RPS6KB1: variants seen among roughly 807,000 people sequenced by gnomAD.
RPS6KB1 encodes the protein ribosomal protein S6 kinase B1, also known as ribosomal protein S6 kinase beta-1.
A neutral mutation model predicts 70.2 loss-of-function variants in RPS6KB1; 12 were observed. The ratio of observed to expected loss-of-function variants is 0.17; its 90% CI spans 0.11 to 0.28. RPS6KB1 has a LOEUF of 0.28. Ranked by LOEUF, RPS6KB1 falls within the 10% of genes least tolerant of loss-of-function variation. The pLI is 1.00. For synonymous variants in RPS6KB1, 175 were observed against 211.2 expected, an observed-to-expected ratio of 0.83 and a Z score of 1.49; for missense variants, 270 against 646.6, an observed-to-expected ratio of 0.42 and a Z score of 6.32.
chr17:59,925,032 C>T (rs1325381361), intron 4 of RPS6KB1, among the ~76,000 whole-genome samples: 2 of 151,964 alleles, frequency 1.3e-5, no homozygotes, highest in East Asian at 3.9e-4. Flanking sequence ...GGCGTTTCAC[C>T]GTGTTAGCCA....
chr17:59,941,708 A>ACTG (rs1178238434), intron 13 of RPS6KB1, among the ~76,000 whole-genome samples: 1 of 147,838 alleles, frequency 6.8e-6, no homozygotes, highest in Non-Finnish European at 1.5e-5. Flanking sequence ...ATCTCAGCTC[A>ACTG]CTGCAACTTC....
chr17:59,907,415 C>T (rs2042337891), intron 1 of RPS6KB1: 1 of 152,092 alleles, frequency 6.6e-6, no homozygotes, highest in Admixed American at 6.6e-5. Flanking sequence ...GTTAGTATTG[C>T]CATCTTAACA....
In RPS6KB1 at chr17:59,936,289, C is replaced by A. The variant is rs557954014; in HGVS notation, c.1041+12C>A. On this transcript the variant is annotated intron_variant, in intron 11 of 14. Coordinates refer to ENST00000225577, the MANE Select transcript of RPS6KB1 (RefSeq NM_003161.4). Reference sequence around the variant, plus strand: ...CTGGAGAAGTTCAAGTAGGGATTGGCATCTTTGGTGTTTTGTGGGGAAGAT... The same window carrying A: ...CTGGAGAAGTTCAAGTAGGGATTGGAATCTTTGGTGTTTTGTGGGGAAGAT... 5.7e-6 allele frequency: 9 copies of A among 1,590,526 alleles called. No homozygotes were observed. Among genetic ancestry groups the A allele is most frequent in the Non-Finnish European group, 6.8e-6 (8 of 1,172,528 alleles).
intron 1 of RPS6KB1, among the ~76,000 whole-genome samples, chr17:59,905,832 A>G (rs1406384316): frequency 7.0e-6 from 1 of 143,734 alleles, no homozygotes; most frequent in Non-Finnish European, 1.5e-5. Flanking sequence ...TTTTATTATT[A>G]TTTTTTTGAG....
At position 59,945,049 on chromosome 17, in the gene RPS6KB1, G is replaced by A. The variant is rs142781438; in HGVS notation, c.1228-357G>A. On this transcript the variant is annotated intron_variant, in intron 13 of 14. Coordinates refer to ENST00000225577, the MANE Select transcript of RPS6KB1 (RefSeq NM_003161.4). Reference sequence around the variant, plus strand: ...ACTCCTGACCTCAGGTGGTCTGCCCGCCTTGGCCTCCCAAAGTGCTGGGAT... The same window carrying A: ...ACTCCTGACCTCAGGTGGTCTGCCCACCTTGGCCTCCCAAAGTGCTGGGAT... The A allele has an allele frequency of 1.4e-4, 23 of 163,792 alleles. No individual in the cohort carries two copies. In the East Asian group the frequency reaches 2.1e-3, roughly 15 times the overall value. The allele number at this position is 163,792 out of a possible 1,614,324, so 10.1% of individuals were successfully genotyped here.
Position 59,941,033 on chromosome 17 carries a change from C to T in RPS6KB1, c.1227+90C>T, listed in dbSNP as rs879016267. 1.2e-5 allele frequency: 9 copies of T among 723,676 alleles called. No homozygotes were observed. The South Asian group carries it at 1.4e-4, about 11-fold the overall frequency. 44.8% of individuals were successfully genotyped at this position (723,676 alleles called of 1,614,324 possible). On this transcript the variant is annotated intron_variant, in intron 13 of 14. Coordinates refer to ENST00000225577, the MANE Select transcript of RPS6KB1 (RefSeq NM_003161.4). ...AATTCAGTTTGCTTGCTTTGCAGTT[C>T]ATGTAGGTAACCTGGCCCACTTTTT...
In RPS6KB1 at chr17:59,898,339, AG is replaced by A. The variant is rs1232025847; in HGVS notation, c.141+5015del. 1.2e-4 allele frequency among the ~76,000 whole-genome samples: 18 copies of A among 152,314 alleles called. No homozygotes were observed. In the South Asian group the frequency reaches 1.9e-3, roughly 16 times the overall value. On this transcript the variant is annotated intron_variant, in intron 1 of 14. Coordinates refer to ENST00000225577, the MANE Select transcript of RPS6KB1 (RefSeq NM_003161.4). Reference sequence around the variant, plus strand: ...AAGGTTTAAAATTTTTGAAAACCAAAGTGCTATATAGATAGTATATACTCAA... The same window carrying A: ...AAGGTTTAAAATTTTTGAAAACCAAATGCTATATAGATAGTATATACTCAA...
In RPS6KB1 at chr17:59,914,619, CT is replaced by C. The variant is rs755180004; in HGVS notation, c.313-8del. 2.1e-5 allele frequency: 33 copies of C among 1,604,618 alleles called. No individual in the cohort carries two copies. The highest frequency in any genetic ancestry group is 4.4e-5 in the South Asian group (4 of 90,492). On this transcript the variant is annotated splice_polypyrimidine_tract_variant and intron_variant, in intron 3 of 14. Coordinates refer to ENST00000225577, the MANE Select transcript of RPS6KB1 (RefSeq NM_003161.4). The stretch of plus-strand genomic sequence containing the variant: ...ATAGTTTGCCTTTGAATAACACACA[CT>C]TTTTTTTAATCCAGGTTTTTCAAGT...
At position 59,946,337 on chromosome 17, in the gene RPS6KB1, A is replaced by G. The variant is rs1288447210; in HGVS notation, c.1341-214A>G. On this transcript the variant is annotated intron_variant, in intron 14 of 14. Coordinates refer to ENST00000225577, the MANE Select transcript of RPS6KB1 (RefSeq NM_003161.4). This position sits in a 1 kb window ranked among gnomAD's most constrained non-coding sequence, Gnocchi z 4.2. Reference sequence around the variant, plus strand: ...TATCTCATTGAGGGTTTTGGGGGTCAGGTGTAGAGGTAAAGAGACCAGTTA... The same window carrying G: ...TATCTCATTGAGGGTTTTGGGGGTCGGGTGTAGAGGTAAAGAGACCAGTTA... 6.6e-6 allele frequency among the ~76,000 whole-genome samples: 1 copy of G among 152,210 alleles called. No homozygotes were observed. Among genetic ancestry groups the G allele is most frequent in the African/African-American group, 2.4e-5 (1 of 41,462 alleles).
At chr17:59,906,116 G>T (rs1170578296) in intron 1 of RPS6KB1, among the ~76,000 whole-genome samples, 1 of 152,126 alleles carries the variant, frequency 6.6e-6, no homozygotes, top group Non-Finnish European at 1.5e-5. Flanking sequence ...TTGAAAGATT[G>T]CCTCTTGCCT....
chr17:59,896,956 A>G (rs1010600632), intron 1 of RPS6KB1, among the ~76,000 whole-genome samples: 2 of 152,090 alleles, frequency 1.3e-5, no homozygotes, highest in African/African-American at 4.8e-5. Context: ...AGAAGTTTAG[A>G]TTCTTAGAAA....
intron 1 of RPS6KB1, among the ~76,000 whole-genome samples, chr17:59,897,922 A>G (rs2041665009): frequency 6.6e-6 from 1 of 150,882 alleles, no homozygotes; most frequent in Non-Finnish European, 1.5e-5. Context: ...CCAAGATCAT[A>G]CCACTGCACT....
Position 59,936,195 on chromosome 17 carries a change from G to C in RPS6KB1, c.979-20G>C. ...AGTTTGACTAAGGTTCTTTATCCAA[G>C]CTTTTTTTCCTCTTTAAAGCTGCTG... On this transcript the variant is annotated intron_variant, in intron 10 of 14. Coordinates refer to ENST00000225577, the MANE Select transcript of RPS6KB1 (RefSeq NM_003161.4). The C allele has an allele frequency of 1.9e-6, 3 of 1,589,012 alleles. No individual in the cohort carries two copies. The highest frequency in any genetic ancestry group is 2.3e-5 in the South Asian group (2 of 85,588).
intron 12 of RPS6KB1, among the ~76,000 whole-genome samples, chr17:59,936,858 C>CTTTAT (rs540653697): frequency 2.1e-4 from 32 of 152,178 alleles, no homozygotes; most frequent in African/African-American, 7.7e-4. Context: ...TCTCCAGCAT[C>CTTTAT]TTTATTTTAT....
At chr17:59,912,611 C>T in intron 2 of RPS6KB1, 73 bp from the exon 3 acceptor site, 1 of 1,487,376 alleles carries the variant, frequency 6.7e-7, no homozygotes, top group Non-Finnish European at 9.2e-7. Flanking sequence ...TCTCTGTCTC[C>T]TTTTTCTTGA....
At chr17:59,896,303 C>T (rs563404293) in intron 1 of RPS6KB1, among the ~76,000 whole-genome samples, 12 of 152,184 alleles carry the variant, frequency 7.9e-5, no homozygotes, top group African/African-American at 2.4e-4. Flanking sequence ...AAGCGATTCT[C>T]CTGCCTCAGC....
intron 12 of RPS6KB1, among the ~76,000 whole-genome samples, chr17:59,937,772 G>T (rs1402161770): frequency 1.3e-5 from 2 of 152,210 alleles, no homozygotes; most frequent in African/African-American, 4.8e-5. Context: ...TGAGGAACTA[G>T]AGGTTAGAAT....
intron 4 of RPS6KB1, among the ~76,000 whole-genome samples, chr17:59,921,386 A>G (rs560028386): frequency 1.1e-4 from 16 of 152,236 alleles, no homozygotes; most frequent in South Asian, 4.1e-4. Context: ...GAAAATAAAG[A>G]TGTCATTAGG....
intron 10 of RPS6KB1, 83 bp from the exon 11 acceptor site, chr17:59,936,132 A>C (rs2044220958): frequency 1.6e-6 from 2 of 1,274,854 alleles, no homozygotes; most frequent in Admixed American, 4.4e-5. Context: ...CTCAAGCCAA[A>C]GTAGACAAGC....
Sources: allele counts gnomAD v4.1 joint callset (sites outside exome capture counted in the v4.1 genomes callset), GRCh38; gene constraint gnomAD v4.1.1; non-coding constraint Gnocchi (gnomAD v3.1); transcripts MANE v1.5; gene names NCBI Gene and HGNC (gene_info 2026-07-23, HGNC 2026-07-21).